The following AGBL4 variants were observed in gnomAD, a reference collection of about 807,000 sequenced individuals.
AGBL4 encodes AGBL carboxypeptidase 4.
Under a neutral mutation model 66.4 loss-of-function variants are expected in AGBL4, and 58 were observed. That is an observed-to-expected ratio of 0.87 (90% CI 0.71 to 1.09). The LOEUF is 1.09. AGBL4 is among the 50% of genes least tolerant of loss of function. AGBL4 has a pLI of 0.00. For missense variants in AGBL4, 579 were observed against 631.0 expected (o/e 0.92, Z 0.88); for synonymous variants, 234 against 222.9 (o/e 1.05, Z -0.44).
intron 1 of AGBL4, among the ~76,000 whole-genome samples, chr1:49,934,095 C>T (rs1176898233): frequency 2.0e-5 from 3 of 151,976 alleles, no homozygotes. Flanking sequence ...ACACATACAA[C>T]TATAAAAGGA....
intron 4 of AGBL4, among the ~76,000 whole-genome samples, chr1:49,207,149 G>T (rs1269551925): frequency 1.3e-5 from 2 of 152,104 alleles, no homozygotes; most frequent in African/African-American, 4.8e-5. Flanking sequence ...AGGAGGCTCT[G>T]GGCAGGAGCG....
At chr1:48,562,098 A>G (rs996359971) in intron 11 of AGBL4, among the ~76,000 whole-genome samples, 2 of 152,186 alleles carry the variant, frequency 1.3e-5, no homozygotes, top group Admixed American at 6.6e-5. Flanking sequence ...ATGCAACCAT[A>G]TTGCAGACCT....
intron 6 of AGBL4, among the ~76,000 whole-genome samples, chr1:48,672,570 C>G (rs1473537623): frequency 6.6e-6 from 1 of 152,200 alleles, no homozygotes; most frequent in East Asian, 1.9e-4. Flanking sequence ...CTCCCAGGAC[C>G]TGGCCCAGTG....
chr1:49,604,486 G>A, intron 3 of AGBL4, among the ~76,000 whole-genome samples: 1 of 152,266 alleles, frequency 6.6e-6, no homozygotes, highest in East Asian at 1.9e-4. Flanking sequence ...TTTGTCAGAT[G>A]CATAGTTTGC....
intron 4 of AGBL4, among the ~76,000 whole-genome samples, chr1:49,142,580 G>A (rs954907203): frequency 1.3e-5 from 2 of 152,124 alleles, no homozygotes; most frequent in African/African-American, 4.8e-5. Flanking sequence ...GCACATAAAT[G>A]CTCAATAAAT....
intron 3 of AGBL4, among the ~76,000 whole-genome samples, chr1:49,534,833 G>A (rs1458266465): frequency 3.3e-5 from 5 of 152,364 alleles, no homozygotes; most frequent in East Asian, 3.9e-4. Flanking sequence ...AGATCACACC[G>A]TGAAGTTCAC....
intron 4 of AGBL4, among the ~76,000 whole-genome samples, chr1:49,171,477 T>C (rs943004795): frequency 6.6e-6 from 1 of 152,148 alleles, no homozygotes; most frequent in Non-Finnish European, 1.5e-5. Context: ...CAGATTAACA[T>C]TTTAAAAAGA....
At chr1:49,832,567 G>A (rs972385704) in intron 2 of AGBL4, among the ~76,000 whole-genome samples, 11 of 151,594 alleles carry the variant, frequency 7.3e-5, no homozygotes, top group South Asian at 2.1e-4. Context: ...CTGAGGAATC[G>A]CCACACCGAC....
At chr1:49,083,252 G>C (rs1644839008) in intron 4 of AGBL4, among the ~76,000 whole-genome samples, 1 of 152,214 alleles carries the variant, frequency 6.6e-6, no homozygotes, top group South Asian at 2.1e-4. Flanking sequence ...TCCCAGTGGG[G>C]ACTCTGCGTT....
chr1:49,221,621 T>C (rs185610682), intron 4 of AGBL4, among the ~76,000 whole-genome samples: 1 of 152,276 alleles, frequency 6.6e-6, no homozygotes, highest in East Asian at 1.9e-4. Context: ...TACTGTCTTA[T>C]TGATGATCCT....
At chr1:49,494,287 T>C (rs889894782) in intron 3 of AGBL4, among the ~76,000 whole-genome samples, 1 of 151,892 alleles carries the variant, frequency 6.6e-6, no homozygotes, top group Non-Finnish European at 1.5e-5. Context: ...TTTTTTTTTT[T>C]ATTATACTTT....
In AGBL4 at chr1:48,539,707, G is replaced by A. The variant is rs190160254; in HGVS notation, c.1299C>T (p.Thr433=). 1.9e-5 allele frequency: 29 copies of A among 1,543,938 alleles called. No individual in the cohort carries two copies. The highest frequency in any genetic ancestry group is 2.5e-5 in the Non-Finnish European group (29 of 1,141,902). Residue 433 remains threonine, a synonymous_variant, in exon 12 of 14, where the codon ACC becomes ACT. Transcript: ENST00000371839. The part of the protein sequence containing the change: ...YMKLGRNVAR[T]FLDYYRLNPV... ...GGTTCAGCCGATAATAGTCCAAAAAGGTTCTTGCCACATTCCGCCCCAGCT... is the reference window on the plus strand; with the variant it reads ...GGTTCAGCCGATAATAGTCCAAAAAAGTTCTTGCCACATTCCGCCCCAGCT...
At chr1:49,241,043 T>C (rs1651191306) in intron 4 of AGBL4, among the ~76,000 whole-genome samples, 1 of 152,058 alleles carries the variant, frequency 6.6e-6, no homozygotes, top group African/African-American at 2.4e-5. Flanking sequence ...TGATTCAATC[T>C]TCCATTATCC....
chr1:49,769,396 CAAA>C (rs1643988876), intron 2 of AGBL4, among the ~76,000 whole-genome samples: 1 of 151,958 alleles, frequency 6.6e-6, no homozygotes, highest in Non-Finnish European at 1.5e-5. Context: ...ATGCCCAAAG[CAAA>C]TTAAAAATCC....
At chr1:49,798,760 T>A (rs1197565890) in intron 2 of AGBL4, among the ~76,000 whole-genome samples, 1 of 152,170 alleles carries the variant, frequency 6.6e-6, no homozygotes, top group Non-Finnish European at 1.5e-5. Flanking sequence ...AGTCAAAAAG[T>A]CTTTGCATTA....
At chr1:49,832,724 G>C (rs1472104758) in intron 2 of AGBL4, among the ~76,000 whole-genome samples, 1 of 152,060 alleles carries the variant, frequency 6.6e-6, no homozygotes, top group Non-Finnish European at 1.5e-5. Flanking sequence ...TTGTGGTTTT[G>C]ATTTGCATTT....
intron 3 of AGBL4, among the ~76,000 whole-genome samples, chr1:49,371,941 C>T (rs1181560918): frequency 1.3e-5 from 2 of 150,774 alleles, no homozygotes; most frequent in African/African-American, 4.9e-5. Context: ...CCAAATGTTC[C>T]TTACATATTT....
Position 48,756,553 on chromosome 1 carries a change from G to T in AGBL4, c.635-93312C>A, listed in dbSNP as rs570532273. Among the ~76,000 whole-genome samples the T allele has an allele frequency of 8.5e-5, 13 of 152,340 alleles. No homozygotes were observed. In the East Asian group the frequency reaches 2.1e-3, roughly 25 times the overall value. ...GAAAATAAGGTCATAGGAAAGGAAGGAAGAAAGGAAAGAAGGACATGAGCT... is the reference window on the plus strand; with the variant it reads ...GAAAATAAGGTCATAGGAAAGGAAGTAAGAAAGGAAAGAAGGACATGAGCT... On this transcript the variant is annotated intron_variant, in intron 6 of 13. Transcript: ENST00000371839.
intron 5 of AGBL4, among the ~76,000 whole-genome samples, chr1:48,904,196 T>A (rs558904783): frequency 1.3e-5 from 2 of 152,190 alleles, no homozygotes; most frequent in South Asian, 4.2e-4. Flanking sequence ...GGAGAATCAT[T>A]TGAACCTGGG....
Sources: allele counts gnomAD v4.1 joint callset (sites outside exome capture counted in the v4.1 genomes callset), GRCh38; gene constraint gnomAD v4.1.1; transcripts MANE v1.5; gene names NCBI Gene and HGNC (gene_info 2026-07-23, HGNC 2026-07-21).